CIZ1: variants seen among roughly 807,000 people sequenced by gnomAD.
The protein encoded by CIZ1 is cip1-interacting zinc finger protein.
Under a neutral mutation model 118.6 loss-of-function variants are expected in CIZ1, and 58 were observed. That is an observed-to-expected ratio of 0.49 (90% CI 0.40 to 0.61). The LOEUF (loss-of-function observed/expected upper bound fraction) is 0.61, where lower values mean the gene tolerates loss of function less well. Among genes scored for constraint, CIZ1 ranks in the 20% least tolerant of loss-of-function variants. CIZ1 has a pLI of 0.00. For missense variants in CIZ1, 921 were observed against 1,115.9 expected (o/e 0.83, Z 2.49); for synonymous variants, 448 against 443.4 (o/e 1.01, Z -0.13).
At chr9:128,188,881 C>G (rs1238866556) in intron 3 of CIZ1, among the ~76,000 whole-genome samples, 1 of 152,062 alleles carries the variant, frequency 6.6e-6, no homozygotes, top group African/African-American at 2.4e-5. Context: ...TCACTGCGAC[C>G]TCCACCTCCC....
At position 128,166,415 on chromosome 9, in the gene CIZ1, AGAAG is replaced by A; in HGVS notation, c.2488-13_2488-10del. On this transcript the variant is annotated splice_polypyrimidine_tract_variant and intron_variant, in intron 16 of 16. Transcript: ENST00000372938. The surrounding 1 kb of genome is among the most constrained non-coding windows in gnomAD (Gnocchi z 4.4). ...TTGGCCGCCTTGTATTTCTGGATAC[AGAAG>A]GTGCAGGTAAGGTCAGGGTCTCCTC... 1 of 1,519,552 alleles carries A rather than the reference AGAAG, an allele frequency of 6.6e-7. No individual in the cohort carries two copies. The highest frequency in any genetic ancestry group is 8.9e-7 in the Non-Finnish European group (1 of 1,128,354). The allele number at this position is 1,519,552 out of a possible 1,614,324, so 94.1% of individuals were successfully genotyped here.
Position 128,179,087 on chromosome 9 carries a change from G to C in CIZ1, c.1120C>G (p.Gln374Glu). The stretch of plus-strand genomic sequence containing the variant: ...TGTGGCTGTACCTGTGGCTGCACCT[G>C]CTTCTGTGGCTCTGCCTCCTGCTGC... Reference protein sequence around the residue: ...QLQQEAEPQKQVQPQVQPQAH... With the variant: ...QLQQEAEPQKEVQPQVQPQAH... The change falls in exon 8 of 17, where the codon CAG (glutamine) becomes GAG (glutamate). Residue 374 changes from glutamine to glutamate, a missense_variant. Gln to Glu is a conservative substitution (Grantham distance 29). Transcript: ENST00000372938. The C allele has an allele frequency of 6.2e-7, 1 of 1,613,902 alleles. No homozygotes were observed. The highest frequency in any genetic ancestry group is 8.5e-7 in the Non-Finnish European group (1 of 1,179,842).
At chr9:128,192,249 A>G (rs1011313475), upstream of CIZ1, among the ~76,000 whole-genome samples, 2 of 152,020 alleles carry the variant, frequency 1.3e-5, no homozygotes, top group Non-Finnish European at 2.9e-5. Flanking sequence ...GGGCGTCTGT[A>G]GTCCCAGCTA....
intron 5 of CIZ1, 93 bp from the exon 6 acceptor site, chr9:128,180,907 T>C: frequency 3.3e-6 from 3 of 901,154 alleles, no homozygotes; most frequent in Non-Finnish European, 5.3e-6. Context: ...CTCCAGGGGA[T>C]GACAGGGCCC....
At chr9:128,177,835 T>C in intron 9 of CIZ1, 72 bp from the exon 10 acceptor site, 1 of 1,079,990 alleles carries the variant, frequency 9.3e-7, no homozygotes, top group African/African-American at 1.6e-5. Flanking sequence ...ATTCAACATC[T>C]GCCAACGTTG....
intron 12 of CIZ1, 44 bp from the exon 13 acceptor site, chr9:128,169,563 C>G (rs764838835): frequency 2.5e-5 from 40 of 1,606,334 alleles, no homozygotes; most frequent in Non-Finnish European, 3.1e-5. Context: ...CAGCTGCAAG[C>G]CCCCTGACTA....
rs1200602646 is a variant in CIZ1 at position 128,180,445 on chromosome 9, G to A, written c.761C>T (p.Ala254Val). 35 of 1,613,938 alleles carry A rather than the reference G, an allele frequency of 2.2e-5. No homozygotes were observed. The highest frequency in any genetic ancestry group is 4.5e-5 in the East Asian group (2 of 44,898). Residue 254 changes from alanine to valine, a missense_variant, in exon 7 of 17, where the codon GCG becomes GTG. Transcript: ENST00000372938. Reference sequence around the variant, plus strand: ...CAATCTCTTTGCTGGCAGCTCGGACGCCTCACAAGGCTCAGGCTCAGGTGC... The same window carrying A: ...CAATCTCTTTGCTGGCAGCTCGGACACCTCACAAGGCTCAGGCTCAGGTGC... Reference protein sequence around the residue: ...TPAPEPEPCEASELPAKRLRS... With the variant: ...TPAPEPEPCEVSELPAKRLRS...
chr9:128,202,997 GC>G (rs1176053489), intron 1 of CIZ1: 1 of 152,188 alleles, frequency 6.6e-6, no homozygotes, highest in African/African-American at 2.4e-5. Context: ...AGGGATAGAA[GC>G]CAGCGAGATG....
rs761342419 is a variant in CIZ1 at position 128,176,556 on chromosome 9, C to A, written c.1819-81G>T. The A allele has an allele frequency of 6.3e-6, 9 of 1,419,772 alleles. No individual in the cohort carries two copies. In the East Asian group the frequency reaches 1.9e-4, roughly 29 times the overall value. 87.9% of individuals were successfully genotyped at this position (1,419,772 alleles called of 1,614,324 possible). On this transcript the variant is annotated intron_variant, in intron 10 of 16. Coordinates refer to ENST00000372938, the MANE Select transcript of CIZ1 (RefSeq NM_001131016.2). ...AAGGCTGGGGCCTGGGGAGGCAGAC[C>A]CCAGCCTCATCACTGTGCGCCCATT...
At position 128,203,660 on chromosome 9, in the gene CIZ1, C is replaced by A. The variant is rs1182868206; in HGVS notation, c.-6+526G>T. 3 of 1,487,508 alleles carry A rather than the reference C, an allele frequency of 2.0e-6. No homozygotes were observed. The highest frequency in any genetic ancestry group is 1.5e-5 in the African/African-American group (1 of 68,778). 92.1% of individuals were successfully genotyped at this position (1,487,508 alleles called of 1,614,324 possible). A position where few individuals can be genotyped will look rare whatever the true frequency, so the allele number is the denominator to read the frequency against. ...GGCGCGGCGCGCCCCCAGGCGCCGA[C>A]CCCCGACCCCCGGGATCCCTGGAGT... On this transcript the variant is annotated intron_variant, in intron 1 of 17. Coordinates refer to the CIZ1 transcript ENST00000372948. The surrounding 1 kb of genome is among the most constrained non-coding windows in gnomAD (Gnocchi z 5.3).
chr9:128,177,878 G>C lies in CIZ1; in HGVS notation c.1621-115C>G, dbSNP rs1831067473. On this transcript the variant is annotated intron_variant, in intron 9 of 16. Transcript: ENST00000372938. ...AGATCTTCCTGATGATAGGGAAACTGAGGCTCTGAGCTGTTAGCTGACTAC... is the reference window on the plus strand; with the variant it reads ...AGATCTTCCTGATGATAGGGAAACTCAGGCTCTGAGCTGTTAGCTGACTAC... 5.3e-6 allele frequency: 4 copies of C among 750,754 alleles called. No individual in the cohort carries two copies. In the East Asian group the frequency reaches 8.4e-5, roughly 16 times the overall value. The allele number at this position is 750,754 out of a possible 1,614,324, so 46.5% of individuals were successfully genotyped here.
At chr9:128,185,062 T>C (rs940574878) in intron 5 of CIZ1, among the ~76,000 whole-genome samples, 44 of 152,172 alleles carry the variant, frequency 2.9e-4, no homozygotes, top group African/African-American at 1.0e-3. Flanking sequence ...GCGGATCACC[T>C]GAGGTCAGGA....
At position 128,166,181 on chromosome 9, in the gene CIZ1, C is replaced by G; in HGVS notation, c.*16G>C. ...GATCTGGACCCAGGCAGGCCAGGGA[C>G]AGGGAGGTCCCTCTATCAGGTTTTG... On this transcript the variant is annotated 3_prime_UTR_variant, in exon 17 of 17. Transcript: ENST00000372938. This position sits in a 1 kb window ranked among gnomAD's most constrained non-coding sequence, Gnocchi z 4.4. 2 of 1,457,382 alleles carry G rather than the reference C, an allele frequency of 1.4e-6. No individual in the cohort carries two copies. Among genetic ancestry groups the G allele is most frequent in the Non-Finnish European group, 1.8e-6 (2 of 1,097,314 alleles). The allele number at this position is 1,457,382 out of a possible 1,614,324, so 90.3% of individuals were successfully genotyped here.
chr9:128,197,990 C>T (rs1380323198), intron 1 of CIZ1: 1 of 152,244 alleles, frequency 6.6e-6, no homozygotes, highest in Non-Finnish European at 1.5e-5. Context: ...ATTTGAATAC[C>T]AGGCGGTCTG....
rs1185361085 is a variant in CIZ1, at chr9:128,181,933, A to C, written c.589-1119T>G. Among the ~76,000 whole-genome samples, 7 of 152,222 alleles carry C rather than the reference A, an allele frequency of 4.6e-5. No individual in the cohort carries two copies. The South Asian group carries it at 1.4e-3, about 31-fold the overall frequency. On this transcript the variant is annotated intron_variant, in intron 5 of 16. Transcript: ENST00000372938. Reference sequence around the variant, plus strand: ...GTGGTCACGCTCCTAGTCTGCCTTCATGTTCCATCCTGTACACCTGGCTCT... The same window carrying C: ...GTGGTCACGCTCCTAGTCTGCCTTCCTGTTCCATCCTGTACACCTGGCTCT...
In CIZ1 at chr9:128,191,310, C is replaced by T; in HGVS notation, c.-6+122G>A. ...TCCTGAGCTCCGTGGGACGGCTTCTCTCCACCACCGCCACCTCCTCGCGCC... is the reference window on the plus strand; with the variant it reads ...TCCTGAGCTCCGTGGGACGGCTTCTTTCCACCACCGCCACCTCCTCGCGCC... On this transcript the variant is annotated intron_variant, in intron 1 of 16. Transcript: ENST00000372938. The surrounding 1 kb of genome is among the most constrained non-coding windows in gnomAD (Gnocchi z 5.5). 1 of 270,436 alleles carries T rather than the reference C, an allele frequency of 3.7e-6. No individual in the cohort carries two copies. The highest frequency in any genetic ancestry group is 5.8e-6 in the Non-Finnish European group (1 of 171,314). The allele number at this position is 270,436 out of a possible 1,614,324, so 16.8% of individuals were successfully genotyped here.
chr9:128,201,665 G>A (rs995401644), intron 1 of CIZ1, among the ~76,000 whole-genome samples: 3 of 152,168 alleles, frequency 2.0e-5, no homozygotes, highest in African/African-American at 7.2e-5. Context: ...GCTGTCTGGT[G>A]AGCTGTTATC....
chr9:128,177,553 C>CAAAAAA lies in CIZ1; in HGVS notation c.1818+12_1818+13insTTTTTT. 1.4e-5 allele frequency: 6 copies of CAAAAAA among 441,354 alleles called. No individual in the cohort carries two copies. The highest frequency in any genetic ancestry group is 2.1e-5 in the Non-Finnish European group (5 of 232,708). 27.3% of individuals were successfully genotyped at this position (441,354 alleles called of 1,614,324 possible). On this transcript the variant is annotated intron_variant, in intron 10 of 16. Transcript: ENST00000372938. ...GCCCCACCCCTCCCCACCCTTATCTCCTGTATCAGTACCTGCTGGCTGGAG... is the reference window on the plus strand; with the variant it reads ...GCCCCACCCCTCCCCACCCTTATCTCAAAAAACTGTATCAGTACCTGCTGGCTGGAG...
At chr9:128,168,528 GAAAAAAAA>G (rs530396817) in intron 14 of CIZ1, among the ~76,000 whole-genome samples, 1 of 119,324 alleles carries the variant, frequency 8.4e-6, no homozygotes, top group Non-Finnish European at 1.8e-5. Flanking sequence ...AAAAAAAAAA[GAAAAAAAA>G]AAAAAAACTG....
Sources: allele counts gnomAD v4.1 joint callset (sites outside exome capture counted in the v4.1 genomes callset), GRCh38; gene constraint gnomAD v4.1.1; non-coding constraint Gnocchi (gnomAD v3.1); transcripts MANE v1.5; gene names NCBI Gene and HGNC (gene_info 2026-07-23, HGNC 2026-07-21).